Variants in MYCBP observed in about 807,000 individuals in gnomAD.
The protein encoded by MYCBP is C-Myc-binding protein.
In MYCBP, 5 loss-of-function variants were observed where a neutral mutation model predicts 16.8. The observed-to-expected ratio is 0.30, with a 90% CI of 0.16 to 0.63. The LOEUF is 0.63. Among genes scored for constraint, MYCBP ranks in the 20% least tolerant of loss-of-function variants. The pLI, the probability that MYCBP is intolerant of heterozygous loss-of-function variation, is 0.83. For missense variants in MYCBP, 103 were observed against 121.8 expected (o/e 0.85, Z 0.73); for synonymous variants, 35 against 43.7 (o/e 0.80, Z 0.79).
At position 38,862,955 on chromosome 1, in the gene MYCBP, A is replaced by G. The variant is rs1642271419; in HGVS notation, c.*1715T>C. Reference sequence around the variant, plus strand: ...AACTATCATACCAACTAAGGAAGCCAAGTCTCTCTCTCTTTCAAAACCCTC... The same window carrying G: ...AACTATCATACCAACTAAGGAAGCCGAGTCTCTCTCTCTTTCAAAACCCTC... On this transcript the variant is annotated 3_prime_UTR_variant, in exon 5 of 5. Coordinates refer to ENST00000397572, the MANE Select transcript of MYCBP (RefSeq NM_012333.5). 6.6e-6 allele frequency: 1 copy of G among 152,208 alleles called. No individual in the cohort carries two copies. The highest frequency in any genetic ancestry group is 1.5e-5 in the Non-Finnish European group (1 of 68,038). The allele number at this position is 152,208 out of a possible 1,614,324, so 9.4% of individuals were successfully genotyped here.
chr1:38,865,611 G>C (rs919782418), intron 4 of MYCBP, among the ~76,000 whole-genome samples: 4 of 152,112 alleles, frequency 2.6e-5, no homozygotes, highest in South Asian at 4.1e-4. Context: ...AGACCAGCCA[G>C]GGCAACATAA....
chr1:38,864,028 G>T lies in MYCBP; in HGVS notation c.*642C>A, dbSNP rs11538784. 30,765 of 152,746 alleles carry T rather than the reference G, an allele frequency of 0.2. 3,511 individuals carry two copies. The highest frequency in any genetic ancestry group is 0.31 in the East Asian group (1,603 of 5,158). The allele number at this position is 152,746 out of a possible 1,614,324, so 9.5% of individuals were successfully genotyped here. ...ATTGAAAAACAGCACAGAAAGGCCA[G>T]TGTGCAACTAGGACCCACTAAAGCT... is the stretch of plus-strand genomic sequence containing the variant. On this transcript the variant is annotated 3_prime_UTR_variant, in exon 5 of 5. Transcript: ENST00000397572.
rs71057153 is a variant in MYCBP at position 38,866,044 on chromosome 1, C to CTTTTTTTTTTTTTTTTTTTTTTTTTTTT, written c.267+835_267+836insAAAAAAAAAAAAAAAAAAAAAAAAAAAA. On this transcript the variant is annotated intron_variant, in intron 4 of 4. Coordinates refer to ENST00000397572, the MANE Select transcript of MYCBP (RefSeq NM_012333.5). ...TAGTAATACAGGTTCCTAAGAACCT[C>CTTTTTTTTTTTTTTTTTTTTTTTTTTTT]TTTTTTTTTTTTTTTTTTTTTGAGA... Among the ~76,000 whole-genome samples, 22 of 65,716 alleles carry CTTTTTTTTTTTTTTTTTTTTTTTTTTTT rather than the reference C, an allele frequency of 3.3e-4. 8 individuals carry two copies. The highest frequency in any genetic ancestry group is 1.7e-3 in the African/African-American group (22 of 12,654). 43.1% of individuals were successfully genotyped at this position (65,716 alleles called of 152,430 possible).
intron 2 of MYCBP, among the ~76,000 whole-genome samples, chr1:38,870,220 G>A (rs1025455210): frequency 1.3e-5 from 2 of 151,226 alleles, no homozygotes; most frequent in Non-Finnish European, 2.9e-5. Flanking sequence ...GGTGGTGCGT[G>A]CCTGTAGTCT....
chr1:38,869,189 A>T (rs60127939), intron 2 of MYCBP, among the ~76,000 whole-genome samples: 1 of 151,584 alleles, frequency 6.6e-6, no homozygotes, highest in African/African-American at 2.4e-5. Flanking sequence ...CCCAGGTTCA[A>T]GCGATTCTCC....
At chr1:38,868,565 T>G (rs1248681854) in intron 2 of MYCBP, among the ~76,000 whole-genome samples, 2 of 152,166 alleles carry the variant, frequency 1.3e-5, no homozygotes, top group African/African-American at 4.8e-5. Context: ...TTTTTGTGCA[T>G]GGAACCCTTT....
chr1:38,869,521 A>G (rs1642415647), intron 2 of MYCBP, among the ~76,000 whole-genome samples: 1 of 152,218 alleles, frequency 6.6e-6, no homozygotes, highest in Non-Finnish European at 1.5e-5. Flanking sequence ...TACTGTAAAT[A>G]CAAAGTTTCC....
rs530998047 is a variant in MYCBP at position 38,868,460 on chromosome 1, T to C, written c.89-850A>G. Among the ~76,000 whole-genome samples the C allele has an allele frequency of 2.6e-4, 40 of 152,354 alleles. No homozygotes were observed. The South Asian group carries it at 5.6e-3, about 21-fold the overall frequency. On this transcript the variant is annotated intron_variant, in intron 2 of 4. Coordinates refer to ENST00000397572, the MANE Select transcript of MYCBP (RefSeq NM_012333.5). ...TATACTTGAGTGGTTTCATATCTAATCACTCATATGAGCACTGCCTTGCTC... is the reference window on the plus strand; with the variant it reads ...TATACTTGAGTGGTTTCATATCTAACCACTCATATGAGCACTGCCTTGCTC...
Position 38,862,867 on chromosome 1 carries a change from A to G in MYCBP, c.*1803T>C, listed in dbSNP as rs1445995406. The G allele has an allele frequency of 6.6e-6, 1 of 152,222 alleles. No homozygotes were observed. The highest frequency in any genetic ancestry group is 1.5e-5 in the Non-Finnish European group (1 of 68,038). 9.4% of individuals were successfully genotyped at this position (152,222 alleles called of 1,614,324 possible). A position where few individuals can be genotyped will look rare whatever the true frequency, so the allele number is the denominator to read the frequency against. On this transcript the variant is annotated 3_prime_UTR_variant, in exon 5 of 5. Transcript: ENST00000397572. ...CTGACATAAATATTAATACTAATCA[A>G]ATGAGTAAAAAGCCCATGAGGATTG...
chr1:38,872,819 A>G (rs1275978619), intron 2 of MYCBP, among the ~76,000 whole-genome samples, 199 bp downstream of exon 2: 2 of 152,376 alleles, frequency 1.3e-5, no homozygotes, highest in African/African-American at 4.8e-5. Flanking sequence ...GGTGCGGAGA[A>G]GGGTAGCGGA....
chr1:38,868,730 C>T (rs1229157193), intron 2 of MYCBP, among the ~76,000 whole-genome samples: 2 of 151,880 alleles, frequency 1.3e-5, no homozygotes, highest in Non-Finnish European at 1.5e-5. Flanking sequence ...ACAGTGAAAC[C>T]CCGTCTCTAC....
At position 38,864,729 on chromosome 1, in the gene MYCBP, CAG is replaced by C. The variant is rs1642302825; in HGVS notation, c.268-17_268-16del. On this transcript the variant is annotated splice_polypyrimidine_tract_variant and intron_variant, in intron 4 of 4. Coordinates refer to ENST00000397572, the MANE Select transcript of MYCBP (RefSeq NM_012333.5). ...TACTGAGCAAGCTATGGGGCAAAGA[CAG>C]AGGAATTTAGGTGAATTTTATTCTA... 5 of 1,612,326 alleles carry C rather than the reference CAG, an allele frequency of 3.1e-6. No individual in the cohort carries two copies. In the South Asian group the frequency reaches 3.3e-5, roughly 11 times the overall value.
Position 38,868,717 on chromosome 1 carries a change from A to G in MYCBP, c.89-1107T>C, listed in dbSNP as rs560258869. Among the ~76,000 whole-genome samples, 11 of 152,278 alleles carry G rather than the reference A, an allele frequency of 7.2e-5. No homozygotes were observed. In the East Asian group the frequency reaches 1.9e-3, roughly 27 times the overall value. ...TCAGGAGATCAAGACCATCCTGGCTAACACAGTGAAACCCCGTCTCTACTA... is the reference window on the plus strand; with the variant it reads ...TCAGGAGATCAAGACCATCCTGGCTGACACAGTGAAACCCCGTCTCTACTA... On this transcript the variant is annotated intron_variant, in intron 2 of 4. Transcript: ENST00000397572.
chr1:38,864,426 AATGAGTTAG>A lies in MYCBP; in HGVS notation c.*235_*243del. On this transcript the variant is annotated 3_prime_UTR_variant, in exon 5 of 5. Coordinates refer to ENST00000397572, the MANE Select transcript of MYCBP (RefSeq NM_012333.5). ...TAATAAACAGAATGTCTTTTAAGGTAATGAGTTAGATGGCTGTGTTTAGGTTTTGTTCAG... is the reference window on the plus strand; with the variant it reads ...TAATAAACAGAATGTCTTTTAAGGTAATGGCTGTGTTTAGGTTTTGTTCAG... 1 of 527,610 alleles carries A rather than the reference AATGAGTTAG, an allele frequency of 1.9e-6. No individual in the cohort carries two copies. The highest frequency in any genetic ancestry group is 2.2e-5 in the South Asian group (1 of 46,312). 32.7% of individuals were successfully genotyped at this position (527,610 alleles called of 1,614,324 possible). A position where few individuals can be genotyped will look rare whatever the true frequency, so the allele number is the denominator to read the frequency against.
chr1:38,869,371 A>G (rs1642413553), intron 2 of MYCBP, among the ~76,000 whole-genome samples: 1 of 152,114 alleles, frequency 6.6e-6, no homozygotes, highest in African/African-American at 2.4e-5. Flanking sequence ...TACAGGTGTG[A>G]GCCACCACAC....
In MYCBP at chr1:38,873,319, G is replaced by A. The variant is rs977462259; in HGVS notation, c.-14C>T. On this transcript the variant is annotated 5_prime_UTR_variant, in exon 1 of 5. Coordinates refer to ENST00000397572, the MANE Select transcript of MYCBP (RefSeq NM_012333.5). ...GTAATGGGCCATAGTGACAGCGGCA[G>A]CGGCGTAGCTGGCGCCGGAGACCGC... 3.7e-6 allele frequency: 6 copies of A among 1,600,988 alleles called. No homozygotes were observed. Among genetic ancestry groups the A allele is most frequent in the Admixed American group, 1.7e-5 (1 of 59,724 alleles).
At position 38,863,679 on chromosome 1, in the gene MYCBP, A is replaced by G. The variant is rs1025529341; in HGVS notation, c.*991T>C. The G allele has an allele frequency of 3.9e-5, 6 of 152,678 alleles. No individual in the cohort carries two copies. Among genetic ancestry groups the G allele is most frequent in the African/African-American group, 7.2e-5 (3 of 41,476 alleles). 9.5% of individuals were successfully genotyped at this position (152,678 alleles called of 1,614,324 possible). ...TACAGTTAGTGAGTGATTTGTATTAATATCAGTCTTTGGCCTAAAAATTCA... is the reference window on the plus strand; with the variant it reads ...TACAGTTAGTGAGTGATTTGTATTAGTATCAGTCTTTGGCCTAAAAATTCA... On this transcript the variant is annotated 3_prime_UTR_variant, in exon 5 of 5. Transcript: ENST00000397572.
intron 2 of MYCBP, chr1:38,872,744 G>C (rs1224685143): frequency 2.0e-6 from 1 of 494,104 alleles, no homozygotes; most frequent in African/African-American, 2.0e-5. Flanking sequence ...TGTCCACTGC[G>C]GCTGCTGGAG....
chr1:38,873,361 G>A, upstream of MYCBP: 2 of 1,583,948 alleles, frequency 1.3e-6, no homozygotes, highest in Non-Finnish European at 1.7e-6. Flanking sequence ...CGGGTTGGGA[G>A]CAGCACTGCT....
Sources: allele counts gnomAD v4.1 joint callset (sites outside exome capture counted in the v4.1 genomes callset), GRCh38; gene constraint gnomAD v4.1.1; transcripts MANE v1.5; gene names NCBI Gene and HGNC (gene_info 2026-07-23, HGNC 2026-07-21).